PARVB: variants seen among roughly 807,000 people sequenced by gnomAD.
PARVB encodes the protein beta-parvin.
A neutral mutation model predicts 47.0 loss-of-function variants in PARVB; 46 were observed. The observed-to-expected ratio is 0.98, with a 90% confidence interval of 0.77 to 1.25. The LOEUF is 1.25. PARVB is among the 50% of genes most tolerant of loss of function. PARVB has a pLI of 0.00. For synonymous variants in PARVB, 196 were observed against 196.3 expected (o/e 1.00, Z 0.01); for missense variants, 473 against 471.6 (o/e 1.00, Z -0.03).
At chr22:44,106,603 T>A (rs879292046) in intron 3 of PARVB, 6 of 152,118 alleles carry the variant, frequency 3.9e-5, no homozygotes, top group Non-Finnish European at 8.8e-5. Context: ...CAGTCTTGAA[T>A]GTCCCCCTTG....
In PARVB at chr22:44,132,941, C is replaced by T. The variant is rs142049850; in HGVS notation, c.565C>T (p.Leu189=). The T allele has an allele frequency of 4.3e-6, 7 of 1,614,018 alleles. No individual in the cohort carries two copies. The highest frequency in any genetic ancestry group is 2.2e-5 in the East Asian group (1 of 44,884). Residue 189 remains leucine, a synonymous_variant, in exon 6 of 13, where the codon CTG becomes TTG. Coordinates refer to ENST00000338758, the MANE Select transcript of PARVB (RefSeq NM_013327.5). ...LVAILHLLVS[L]AMHFRAPIRL... ...GGCCATCCTCCACCTGCTGGTCTCT[C>T]TGGCCATGCACTTCAGGGCCCCCAT... is the stretch of plus-strand genomic sequence containing the variant.
At chr22:44,156,292 T>C (rs2053930935) in intron 10 of PARVB, among the ~76,000 whole-genome samples, 1 of 150,988 alleles carries the variant, frequency 6.6e-6, no homozygotes, top group Admixed American at 6.6e-5. Context: ...TTTTTTTTTT[T>C]TTTTTTGAGA....
rs1196852698 is a variant in PARVB, at chr22:44,170,395, CT to C, written c.*1718del. ...TTGATTACCTCCATAAAGACCCTGTCTCCAAATACCATCACATCAGAGGTGC... is the reference window on the plus strand; with the variant it reads ...TTGATTACCTCCATAAAGACCCTGTCCCAAATACCATCACATCAGAGGTGC... On this transcript the variant is annotated 3_prime_UTR_variant, in exon 13 of 13. Coordinates refer to ENST00000338758, the MANE Select transcript of PARVB (RefSeq NM_013327.5). 6.6e-5 allele frequency: 10 copies of C among 152,172 alleles called. No individual in the cohort carries two copies. Among genetic ancestry groups the C allele is most frequent in the Non-Finnish European group, 1.3e-4 (9 of 68,028 alleles). 9.4% of individuals were successfully genotyped at this position (152,172 alleles called of 1,614,324 possible).
chr22:44,088,561 T>A (rs1429683962), intron 1 of PARVB, among the ~76,000 whole-genome samples: 1 of 152,168 alleles, frequency 6.6e-6, no homozygotes, highest in Non-Finnish European at 1.5e-5. Flanking sequence ...AACCTCCACC[T>A]CCCAGGTTCA....
intron 1 of PARVB, among the ~76,000 whole-genome samples, chr22:44,040,946 T>A (rs1490521303): frequency 6.6e-6 from 1 of 151,336 alleles, no homozygotes; most frequent in Admixed American, 6.6e-5. Flanking sequence ...GAGCTTGCAG[T>A]GAGCCGAGAT....
intron 2 of PARVB, among the ~76,000 whole-genome samples, chr22:44,016,226 A>G (rs1160523322): frequency 1.3e-5 from 2 of 151,410 alleles, no homozygotes; most frequent in African/African-American, 2.4e-5. Flanking sequence ...CCTCCCGAGT[A>G]GCTGGGACTA....
intron 11 of PARVB, 148 bp from the exon 12 acceptor site, chr22:44,163,710 C>G (rs1394657397): frequency 8.5e-6 from 5 of 586,818 alleles, no homozygotes; most frequent in African/African-American, 3.8e-5. Context: ...TCTGCCCACC[C>G]TGTGGCCCGC....
At chr22:44,039,728 C>A (rs111342406) in intron 1 of PARVB, 39 of 387,566 alleles carry the variant, frequency 1.0e-4, no homozygotes, top group African/African-American at 5.6e-4. Flanking sequence ...AACAAGGTGC[C>A]GGTACAGGAA....
chr22:44,101,365 G>A (rs1447004926), intron 3 of PARVB, among the ~76,000 whole-genome samples: 1 of 151,172 alleles, frequency 6.6e-6, no homozygotes, highest in Non-Finnish European at 1.5e-5. Flanking sequence ...AGCCGAGATC[G>A]CGCCACTGCA....
At chr22:44,087,846 G>GTTTTTTTTTTT (rs57893038) in intron 1 of PARVB, among the ~76,000 whole-genome samples, 1,872 of 120,650 alleles carry the variant, frequency 0.016, no homozygotes, top group Non-Finnish European at 0.02. Flanking sequence ...GAACGATGGT[G>GTTTTTTTTTTT]TTTTTTTTTT....
intron 3 of PARVB, among the ~76,000 whole-genome samples, chr22:44,100,641 A>T (rs117597697): frequency 4.5e-4 from 69 of 152,248 alleles, no homozygotes; most frequent in Middle Eastern, 6.8e-3. Context: ...CCGCTCCCAG[A>T]AGTCAGGGAA....
intron 1 of PARVB, among the ~76,000 whole-genome samples, chr22:44,054,154 G>A (rs1453863491): frequency 6.6e-6 from 1 of 152,198 alleles, no homozygotes; most frequent in Non-Finnish European, 1.5e-5. Flanking sequence ...TCTGATGAGA[G>A]TCCTGCCTTG....
chr22:44,088,286 A>T (rs1480207286), intron 1 of PARVB, among the ~76,000 whole-genome samples: 2 of 152,052 alleles, frequency 1.3e-5, no homozygotes, highest in Non-Finnish European at 2.9e-5. Context: ...AGCTGGGGAG[A>T]GGGGAACACC....
rs753631815 is a variant in PARVB at position 44,169,055 on chromosome 22, C to T, written c.*377C>T. 7.6e-5 allele frequency: 15 copies of T among 197,448 alleles called. No homozygotes were observed. The highest frequency in any genetic ancestry group is 1.6e-4 in the Non-Finnish European group (15 of 94,618). The allele number at this position is 197,448 out of a possible 1,614,324, so 12.2% of individuals were successfully genotyped here. On this transcript the variant is annotated 3_prime_UTR_variant, in exon 13 of 13. Coordinates refer to ENST00000338758, the MANE Select transcript of PARVB (RefSeq NM_013327.5). ...CTGGTTGAGAGCACCCTGCATTCTG[C>T]CTCATGGTGCAGTTAGCGATCACAG...
intron 2 of PARVB, among the ~76,000 whole-genome samples, chr22:44,094,521 A>T (rs985595769): frequency 1.9e-4 from 28 of 145,788 alleles, no homozygotes; most frequent in Non-Finnish European, 3.9e-4. Context: ...ATAGAGTCTC[A>T]CTCTGTTACC....
chr22:44,093,970 C>A lies in PARVB; in HGVS notation c.155C>A (p.Pro52Gln). ...GAAGGCAAGAATGCCATCAACTCACCGATGTCCCCCGCCCTGGTGGATGTT... is the reference window on the plus strand; with the variant it reads ...GAAGGCAAGAATGCCATCAACTCACAGATGTCCCCCGCCCTGGTGGATGTT... The part of the protein sequence containing the change: ...QEEGKNAINS[P>Q]MSPALVDVHP... The change falls in exon 2 of 13, where the codon CCG (proline) becomes CAG (glutamine). Residue 52 changes from proline to glutamine, a missense_variant. Physicochemically the swap from Pro to Gln is moderately conservative, Grantham distance 76. Coordinates refer to ENST00000338758, the MANE Select transcript of PARVB (RefSeq NM_013327.5). The A allele has an allele frequency of 6.2e-7, 1 of 1,613,674 alleles. No individual in the cohort carries two copies. Among genetic ancestry groups the A allele is most frequent in the Non-Finnish European group, 8.5e-7 (1 of 1,179,624 alleles).
At chr22:44,032,941 C>A (rs1200977397) in intron 1 of PARVB, among the ~76,000 whole-genome samples, 1 of 152,222 alleles carries the variant, frequency 6.6e-6, no homozygotes, top group Non-Finnish European at 1.5e-5. Context: ...ATTTCAGCAG[C>A]ACTGGCTGCT....
At chr22:44,022,230 A>C (rs1427824173), upstream of PARVB, among the ~76,000 whole-genome samples, 1 of 152,020 alleles carries the variant, frequency 6.6e-6, no homozygotes, top group Non-Finnish European at 1.5e-5. Flanking sequence ...CAGCTCATGG[A>C]ACTTTGTGCT....
chr22:44,085,288 A>G (rs528435499), intron 1 of PARVB, among the ~76,000 whole-genome samples: 1 of 151,034 alleles, frequency 6.6e-6, no homozygotes, highest in Non-Finnish European at 1.5e-5. Context: ...GTTCTGCAAC[A>G]TGGTTTTCTT....
Sources: allele counts gnomAD v4.1 joint callset (sites outside exome capture counted in the v4.1 genomes callset), GRCh38; gene constraint gnomAD v4.1.1; transcripts MANE v1.5; gene names NCBI Gene and HGNC (gene_info 2026-07-23, HGNC 2026-07-21).